The following WDR62 variants were observed in gnomAD, a reference collection of about 807,000 sequenced individuals.
WDR62 encodes the protein WD repeat-containing protein 62.
Under a neutral mutation model 160.6 loss-of-function variants are expected in WDR62, and 112 were observed. The observed-to-expected ratio is 0.70, with a 90% CI of 0.60 to 0.82. The LOEUF (loss-of-function observed/expected upper bound fraction) is 0.82. Ranked by LOEUF, WDR62 falls within the 40% of genes least tolerant of loss-of-function variation. The probability of loss-of-function intolerance (pLI) is 0.00; values close to 1 mark genes in which losing one functional copy is unlikely to be tolerated. For missense variants in WDR62, 1,819 were observed against 1,983.8 expected, an observed-to-expected ratio of 0.92 and a Z score of 1.58; for synonymous variants, 792 against 815.1, an observed-to-expected ratio of 0.97 and a Z score of 0.48.
rs1306306521 is a variant in WDR62 at position 36,064,233 on chromosome 19, G to A, written c.333-1725G>A. ...TCTTCCTGCATGTCATAAGTCCAGA[G>A]GTGGGCAGCCCAGGGGCTGTGTCTC... On this transcript the variant is annotated intron_variant, in intron 3 of 31. Coordinates refer to ENST00000401500, the MANE Select transcript of WDR62 (RefSeq NM_001083961.2). Among the ~76,000 whole-genome samples, 3 of 152,204 alleles carry A rather than the reference G, an allele frequency of 2.0e-5. No homozygotes were observed. The East Asian group carries it at 5.8e-4, about 29-fold the overall frequency.
At chr19:36,073,119 T>C (rs1214177973) in intron 8 of WDR62, among the ~76,000 whole-genome samples, 1 of 152,122 alleles carries the variant, frequency 6.6e-6, no homozygotes, top group African/African-American at 2.4e-5. Flanking sequence ...AAAAACTCAA[T>C]TGCTCTCGGG....
chr19:36,111,104 G>C, the WDR62 span: 1 of 1,125,204 alleles, frequency 8.9e-7, no homozygotes, highest in Non-Finnish European at 1.2e-6. Flanking sequence ...AGGTTCCTCA[G>C]AGGCTTCCCC....
chr19:36,074,514 T>C lies in WDR62; in HGVS notation c.1233+983T>C, dbSNP rs1462502628. Among the ~76,000 whole-genome samples, 4 of 152,096 alleles carry C rather than the reference T, an allele frequency of 2.6e-5. No individual in the cohort carries two copies. The East Asian group carries it at 7.7e-4, about 29-fold the overall frequency. ...GGCTTTACAAAAAATACATAAAAAT[T>C]AGCCAGGCGCGCCTATAGTTGCAGC... On this transcript the variant is annotated intron_variant, in intron 9 of 31. Transcript: ENST00000401500.
At chr19:36,078,193 G>T (rs903068315) in intron 9 of WDR62, among the ~76,000 whole-genome samples, 1 of 151,198 alleles carries the variant, frequency 6.6e-6, no homozygotes, top group Admixed American at 6.6e-5. Flanking sequence ...TGTCGCCCAG[G>T]CTGGGGTGCA....
Position 36,072,928 on chromosome 19 carries a change from A to T in WDR62, c.1044-414A>T, listed in dbSNP as rs566564468. ...TCAGTAAACTGTAGCCTTCATAGGG[A>T]GACCCCAGGCCAAGGGACAGCTCCC... On this transcript the variant is annotated intron_variant, in intron 8 of 31. Coordinates refer to ENST00000401500, the MANE Select transcript of WDR62 (RefSeq NM_001083961.2). Among the ~76,000 whole-genome samples the T allele has an allele frequency of 2.0e-5, 3 of 152,314 alleles. No homozygotes were observed. The South Asian group carries it at 6.2e-4, about 32-fold the overall frequency.
intron 9 of WDR62, chr19:36,074,125 G>C (rs1425095479): frequency 4.6e-6 from 1 of 219,102 alleles, no homozygotes; most frequent in African/African-American, 2.3e-5. Flanking sequence ...ACAAGACCCT[G>C]TCTCTACAAA....
At chr19:36,061,193 A>G (rs1364843495) in intron 3 of WDR62, 1 of 152,182 alleles carries the variant, frequency 6.6e-6, no homozygotes, top group Non-Finnish European at 1.5e-5. Flanking sequence ...CCCTCTTGAA[A>G]GTGGCTTTTT....
intron 30 of WDR62, 77 bp downstream of exon 30, chr19:36,104,058 A>G (rs1973581217): frequency 1.9e-6 from 3 of 1,562,052 alleles, no homozygotes; most frequent in Non-Finnish European, 2.6e-6. Flanking sequence ...AAAGATGGAT[A>G]CTTGACCTGG....
chr19:36,080,193 C>T (rs1302274451), intron 9 of WDR62, among the ~76,000 whole-genome samples: 2 of 151,812 alleles, frequency 1.3e-5, no homozygotes, highest in African/African-American at 2.4e-5. Context: ...CTGCAAGCTC[C>T]GCCTCCCAGG....
intron 9 of WDR62, 94 bp from the exon 10 acceptor site, chr19:36,081,339 C>T (rs1442928108): frequency 1.3e-6 from 2 of 1,493,058 alleles, no homozygotes; most frequent in Non-Finnish European, 1.9e-6. Flanking sequence ...ACCTGTTTAT[C>T]TTTAACTTAC....
intron 21 of WDR62, among the ~76,000 whole-genome samples, chr19:36,098,462 G>A (rs868019608): frequency 2.0e-4 from 30 of 151,858 alleles, no homozygotes; most frequent in African/African-American, 6.5e-4. Flanking sequence ...CTACTGGTAA[G>A]GCTGAGGCAG....
intron 12 of WDR62, among the ~76,000 whole-genome samples, chr19:36,085,601 C>A (rs1351636683): frequency 6.6e-6 from 1 of 151,788 alleles, no homozygotes; most frequent in Non-Finnish European, 1.5e-5. Context: ...CCCCACCACA[C>A]CCGGCTAATT....
intron 1 of WDR62, among the ~76,000 whole-genome samples, chr19:36,056,020 C>G (rs1970345841): frequency 6.6e-6 from 1 of 152,128 alleles, no homozygotes; most frequent in Non-Finnish European, 1.5e-5. Context: ...GAAAAATTAG[C>G]CCGGCATGCT....
chr19:36,060,107 G>A, intron 3 of WDR62, 77 bp downstream of exon 3: 1 of 1,416,104 alleles, frequency 7.1e-7, no homozygotes, highest in South Asian at 1.1e-5. Flanking sequence ...ACAGCCTGGA[G>A]ATACTCATGG....
Position 36,066,235 on chromosome 19 carries a change from G to A in WDR62, c.391-22G>A, listed in dbSNP as rs772901945. ...CTGCCCAGTACAGAGCCCAGCAGCA[G>A]TAACGACCCCACCTTCCCTAGAATG... On this transcript the variant is annotated intron_variant, in intron 4 of 31. Transcript: ENST00000401500. The A allele has an allele frequency of 2.9e-5, 47 of 1,613,896 alleles. No homozygotes were observed. The Middle Eastern group carries it at 6.8e-4, about 23-fold the overall frequency.
In WDR62 at chr19:36,102,731, C is replaced by A. The variant is rs778303396; in HGVS notation, c.3221-6C>A. On this transcript the variant is annotated splice_region_variant and splice_polypyrimidine_tract_variant and intron_variant, in intron 26 of 31. Transcript: ENST00000401500. Reference sequence around the variant, plus strand: ...TTATGAGGGTCCCCTCGGGATCTTCCCCTAGAGCTCTTCCCCGCAGCTCTG... The same window carrying A: ...TTATGAGGGTCCCCTCGGGATCTTCACCTAGAGCTCTTCCCCGCAGCTCTG... 6.2e-7 allele frequency: 1 copy of A among 1,613,424 alleles called. No individual in the cohort carries two copies. The highest frequency in any genetic ancestry group is 1.1e-5 in the South Asian group (1 of 91,074).
chr19:36,071,401 A>T (rs1971290213), intron 7 of WDR62, among the ~76,000 whole-genome samples, 155 bp from the exon 8 acceptor site: 1 of 152,104 alleles, frequency 6.6e-6, no homozygotes, highest in Non-Finnish European at 1.5e-5. Flanking sequence ...CTATATCCTG[A>T]TTTCACAAAT....
intron 10 of WDR62, among the ~76,000 whole-genome samples, chr19:36,082,589 T>TA (rs1471298065): frequency 1.1e-4 from 17 of 152,234 alleles, no homozygotes; most frequent in Non-Finnish European, 2.4e-4. Context: ...ACCTGTGACA[T>TA]ACATGCTGTT....
In WDR62 at chr19:36,055,032, G is replaced by C. The variant is rs991749801; in HGVS notation, c.61G>C (p.Val21Leu). The change falls in exon 1 of 32, where the codon GTC becomes CTC. Residue 21 changes from valine to leucine, a missense_variant. Physicochemically the swap from Val to Leu is conservative, Grantham distance 32. This residue lies in a region of WDR62 where 115 missense variants were observed against 92.4 expected (regional missense o/e 1.24). Coordinates refer to ENST00000401500, the MANE Select transcript of WDR62 (RefSeq NM_001083961.2). ...CGATGCAGGGGAGAAGCTGCCCTCT[G>C]TCATGGCGGGAGTTCCGGCGCGGAG... ...RNDAGEKLPS[V>L]MAGVPARRGQ... 1.3e-6 allele frequency: 2 copies of C among 1,598,354 alleles called. No homozygotes were observed. The highest frequency in any genetic ancestry group is 2.2e-5 in the South Asian group (2 of 89,610).
Sources: allele counts gnomAD v4.1 joint callset (sites outside exome capture counted in the v4.1 genomes callset), GRCh38; gene constraint gnomAD v4.1.1; regional missense constraint gnomAD v4.1.1; transcripts MANE v1.5; gene names NCBI Gene and HGNC (gene_info 2026-07-23, HGNC 2026-07-21).